The following NGEF variants were observed in gnomAD, a reference collection of about 807,000 sequenced individuals.
The protein encoded by NGEF is ephexin-1.
A neutral mutation model predicts 80.9 loss-of-function variants in NGEF; 31 were observed. The ratio of observed to expected loss-of-function variants is 0.38; its 90% confidence interval spans 0.29 to 0.52. The LOEUF (loss-of-function observed/expected upper bound fraction) is 0.52. Ranked by LOEUF, NGEF falls within the 20% of genes least tolerant of loss-of-function variation. The probability of loss-of-function intolerance (pLI) is 0.84; values close to 1 mark genes in which losing one functional copy is unlikely to be tolerated. For synonymous variants in NGEF, 371 were observed against 370.2 expected (o/e 1.00, Z -0.03); for missense variants, 709 against 926.2 (o/e 0.77, Z 3.04).
intron 3 of NGEF, among the ~76,000 whole-genome samples, chr2:232,958,687 C>A (rs1326034993): frequency 6.6e-6 from 1 of 152,148 alleles, no homozygotes; most frequent in Non-Finnish European, 1.5e-5. Flanking sequence ...TCTCTATACT[C>A]AAGCTCCTGT....
At chr2:232,968,627 A>C (rs1467171174) in intron 3 of NGEF, among the ~76,000 whole-genome samples, 2 of 152,076 alleles carry the variant, frequency 1.3e-5, no homozygotes, top group East Asian at 3.9e-4. Flanking sequence ...GCTGGTCTCG[A>C]ACTCCTGACC....
chr2:232,942,792 C>CAAAAA (rs35882284), intron 3 of NGEF, among the ~76,000 whole-genome samples: 28 of 120,624 alleles, frequency 2.3e-4, no homozygotes, highest in African/African-American at 6.5e-4. Flanking sequence ...GACTCCGTCT[C>CAAAAA]AAAAAAAAAA....
chr2:232,936,011 T>C (rs1427425359), intron 3 of NGEF, among the ~76,000 whole-genome samples: 3 of 152,188 alleles, frequency 2.0e-5, no homozygotes, highest in Non-Finnish European at 2.9e-5. Context: ...GAACCAGCAG[T>C]CGAACCACAG....
At chr2:232,901,407 C>T in intron 5 of NGEF, 6 of 985,542 alleles carry the variant, frequency 6.1e-6, no homozygotes, top group Middle Eastern at 5.2e-4. Context: ...GACCTCTGGG[C>T]CGTGCATTCC....
At chr2:232,975,523 A>G (rs149222199) in intron 1 of NGEF, among the ~76,000 whole-genome samples, 2 of 152,252 alleles carry the variant, frequency 1.3e-5, no homozygotes, top group East Asian at 3.9e-4. Context: ...AGGTCCCCCC[A>G]TCCCATGGCC....
intron 1 of NGEF, among the ~76,000 whole-genome samples, chr2:232,995,946 C>T (rs1035642202): frequency 3.3e-5 from 5 of 150,894 alleles, no homozygotes; most frequent in African/African-American, 1.2e-4. Context: ...CAAAAGAGGA[C>T]AAAAGAAAGA....
chr2:232,991,639 A>T (rs4973061), intron 1 of NGEF, among the ~76,000 whole-genome samples: 1 of 152,086 alleles, frequency 6.6e-6, no homozygotes, highest in Non-Finnish European at 1.5e-5. Context: ...TGGATCAGAA[A>T]AATTAATATT....
intron 10 of NGEF, 122 bp from the exon 11 acceptor site, chr2:232,884,266 A>C (rs1468155539): frequency 3.2e-5 from 37 of 1,169,578 alleles, no homozygotes; most frequent in Non-Finnish European, 4.2e-5. Flanking sequence ...CATGAGGCAC[A>C]AGTTGGGGGG....
chr2:232,891,058 C>T (rs1691867275), intron 8 of NGEF: 1 of 521,838 alleles, frequency 1.9e-6, no homozygotes, highest in Non-Finnish European at 3.8e-6. Context: ...TCTTTCCTGA[C>T]CCGCCCCCAT....
chr2:232,881,224 G>T lies in NGEF; in HGVS notation c.1864C>A (p.Pro622Thr). 6.2e-7 allele frequency: 1 copy of T among 1,609,702 alleles called. No individual in the cohort carries two copies. ...LDCPQVQCVHPYVAQQPDELT... is the reference protein window; with the variant it reads ...LDCPQVQCVHTYVAQQPDELT... ...TCGTCTGGCTGCTGAGCCACGTATG[G>T]GTGCACGCACTGGACCTGGGGGCAG... The change falls in exon 14 of 15, where the codon CCA becomes ACA. Residue 622 changes from proline to threonine, a missense_variant. This residue lies in a region of NGEF where 426 missense variants were observed against 622.9 expected (regional missense o/e 0.68). Transcript: ENST00000264051.
intron 14 of NGEF, 28 bp downstream of exon 14, chr2:232,881,118 G>T (rs751668323): frequency 1.9e-6 from 3 of 1,595,314 alleles, no homozygotes; most frequent in Non-Finnish European, 1.7e-6. Flanking sequence ...TCCCCTGGGG[G>T]CCCCGAGGGG....
At chr2:232,992,445 C>G (rs2106334638) in intron 1 of NGEF, among the ~76,000 whole-genome samples, 1 of 152,156 alleles carries the variant, frequency 6.6e-6, no homozygotes, top group East Asian at 1.9e-4. Flanking sequence ...GTAATACCAG[C>G]TACTTGGGAG....
At chr2:232,897,458 G>A (rs536013163) in intron 5 of NGEF, among the ~76,000 whole-genome samples, 7 of 152,216 alleles carry the variant, frequency 4.6e-5, no homozygotes, top group Middle Eastern at 3.4e-3. Flanking sequence ...CTGGAGGAGT[G>A]GAGATGCTGC....
chr2:232,970,944 C>T (rs7583124), intron 2 of NGEF, among the ~76,000 whole-genome samples: 88,815 of 152,116 alleles, frequency 0.58, 27,042 homozygotes, highest in African/African-American at 0.71. Flanking sequence ...AAAACCATAA[C>T]GATTGGTGTT....
intron 3 of NGEF, among the ~76,000 whole-genome samples, chr2:232,950,716 C>T (rs1693660575): frequency 6.6e-6 from 1 of 152,216 alleles, no homozygotes. Flanking sequence ...CTCCTCAGTC[C>T]TGAACAGTTG....
Position 232,974,901 on chromosome 2 carries a change from C to G in NGEF, c.-11G>C. Reference sequence around the variant, plus strand: ...TTCCCTGGTCTCCATGGAAATAGAGCCAGATGTTTCTCAGCAGAACGACTG... The same window carrying G: ...TTCCCTGGTCTCCATGGAAATAGAGGCAGATGTTTCTCAGCAGAACGACTG... On this transcript the variant is annotated 5_prime_UTR_variant, in exon 2 of 15. Transcript: ENST00000264051. 1 of 1,610,460 alleles carries G rather than the reference C, an allele frequency of 6.2e-7. No individual in the cohort carries two copies. The highest frequency in any genetic ancestry group is 8.5e-7 in the Non-Finnish European group (1 of 1,178,490).
At chr2:232,881,482 T>A (rs1394757682) in intron 13 of NGEF, among the ~76,000 whole-genome samples, 1 of 152,128 alleles carries the variant, frequency 6.6e-6, no homozygotes, top group African/African-American at 2.4e-5. Context: ...AGTTTAAACT[T>A]CAGAAGGAAC....
intron 3 of NGEF, among the ~76,000 whole-genome samples, chr2:232,968,182 G>A (rs534977178): frequency 1.3e-3 from 190 of 149,508 alleles, no homozygotes; most frequent in African/African-American, 4.4e-3. Flanking sequence ...TCTGCCTTCC[G>A]GGTTCAAGTG....
intron 1 of NGEF, among the ~76,000 whole-genome samples, chr2:232,997,154 C>A (rs1308496174): frequency 4.6e-5 from 7 of 152,316 alleles, no homozygotes. Flanking sequence ...TGGGGATCAC[C>A]AGGAGGGTTC....
Sources: allele counts gnomAD v4.1 joint callset (sites outside exome capture counted in the v4.1 genomes callset), GRCh38; gene constraint gnomAD v4.1.1; regional missense constraint gnomAD v4.1.1; transcripts MANE v1.5; gene names NCBI Gene and HGNC (gene_info 2026-07-23, HGNC 2026-07-21).